NEK10: variants seen among roughly 807,000 people sequenced by gnomAD.
NEK10 encodes serine/threonine-protein kinase Nek10.
NEK10 carries 122 observed loss-of-function variants against 159.8 expected under a neutral mutation model. That is an observed-to-expected ratio of 0.76 (90% CI 0.66 to 0.89). NEK10 has a LOEUF of 0.89. NEK10 is among the 40% of genes least tolerant of loss of function. NEK10 has a pLI of 0.00. For missense variants in NEK10, 1,342 were observed against 1,323.1 expected (o/e 1.01, Z -0.22); for synonymous variants, 466 against 457.1 (o/e 1.02, Z -0.25).
intron 23 of NEK10, among the ~76,000 whole-genome samples, chr3:27,203,490 A>G (rs1950221310): frequency 6.6e-6 from 1 of 152,154 alleles, no homozygotes; most frequent in African/African-American, 2.4e-5. Flanking sequence ...TGTGAAGGCG[A>G]GTGTAGTTCC....
intron 23 of NEK10, chr3:27,214,933 A>C: frequency 1.0e-6 from 1 of 962,134 alleles, no homozygotes; most frequent in South Asian, 1.3e-5. Flanking sequence ...AGGTGAGAAG[A>C]CAATTCCTAA....
At chr3:27,221,369 G>A (rs1295012645) in intron 23 of NEK10, among the ~76,000 whole-genome samples, 1 of 152,140 alleles carries the variant, frequency 6.6e-6, no homozygotes. Flanking sequence ...AACTTCATGA[G>A]TTACAGAAAA....
chr3:27,202,383 CA>C, intron 24 of NEK10, 44 bp downstream of exon 24: 1 of 1,540,090 alleles, frequency 6.5e-7, no homozygotes, highest in Non-Finnish European at 8.8e-7. Flanking sequence ...AAAAGAATTG[CA>C]TTTTTAGCTA....
chr3:27,218,893 G>A (rs1575312331), intron 23 of NEK10, among the ~76,000 whole-genome samples: 1 of 152,178 alleles, frequency 6.6e-6, no homozygotes, highest in Non-Finnish European at 1.5e-5. Context: ...GTAACATTGT[G>A]CTTCACGGTA....
chr3:27,171,697 A>C (rs1343204067), intron 29 of NEK10, 122 bp downstream of exon 29: 7 of 915,150 alleles, frequency 7.6e-6, no homozygotes. Context: ...TGGGCAAGTA[A>C]GCTCTAACTC....
chr3:27,262,227 G>T (rs1406170643), intron 22 of NEK10, among the ~76,000 whole-genome samples: 3 of 152,136 alleles, frequency 2.0e-5, no homozygotes, highest in Non-Finnish European at 4.4e-5. Context: ...GTTTCCCTTT[G>T]TGGGTAACCT....
intron 23 of NEK10, among the ~76,000 whole-genome samples, chr3:27,214,014 T>C (rs1187756587): frequency 4.6e-5 from 7 of 152,192 alleles, no homozygotes; most frequent in Non-Finnish European, 1.0e-4. Flanking sequence ...CCTATGCAAC[T>C]TCATCTACAT....
chr3:27,245,439 C>A (rs1231712764), intron 23 of NEK10, among the ~76,000 whole-genome samples: 9 of 152,180 alleles, frequency 5.9e-5, no homozygotes, highest in Admixed American at 2.0e-4. Flanking sequence ...TCGGGCCTTG[C>A]AGCTCAGCTT....
At chr3:27,246,396 A>G (rs1363759286) in intron 23 of NEK10, among the ~76,000 whole-genome samples, 1 of 152,044 alleles carries the variant, frequency 6.6e-6, no homozygotes, top group Non-Finnish European at 1.5e-5. Flanking sequence ...GTAAATTTAG[A>G]TTTTTTAAAT....
At chr3:27,264,444 G>A (rs1476968003) in intron 22 of NEK10, among the ~76,000 whole-genome samples, 1 of 152,122 alleles carries the variant, frequency 6.6e-6, no homozygotes, top group African/African-American at 2.4e-5. Context: ...AATACATAAT[G>A]ATCAAGTGGG....
chr3:27,174,626 T>A, intron 27 of NEK10, 24 bp downstream of exon 27: 1 of 1,603,036 alleles, frequency 6.2e-7, no homozygotes. Flanking sequence ...AGTACCTACG[T>A]TGACACACTG....
At chr3:27,297,578 C>T (rs2043448453) in intron 13 of NEK10, among the ~76,000 whole-genome samples, 1 of 152,140 alleles carries the variant, frequency 6.6e-6, no homozygotes, top group African/African-American at 2.4e-5. Flanking sequence ...AGCAGGTGCT[C>T]AACAAATATA....
intron 1 of NEK10, among the ~76,000 whole-genome samples, chr3:27,353,851 A>G (rs79815443): frequency 9.7e-4 from 147 of 152,268 alleles, no homozygotes; most frequent in African/African-American, 3.5e-3. Context: ...GAACTTTAAA[A>G]CATGTTTGTG....
At chr3:27,346,467 CT>C (rs1170058542) in intron 3 of NEK10, among the ~76,000 whole-genome samples, 1 of 152,140 alleles carries the variant, frequency 6.6e-6, no homozygotes, top group Non-Finnish European at 1.5e-5. Context: ...TATTTATGTA[CT>C]TTTAGTCTCC....
chr3:27,354,284 C>T (rs2048176321), intron 1 of NEK10, among the ~76,000 whole-genome samples: 1 of 152,160 alleles, frequency 6.6e-6, no homozygotes, highest in African/African-American at 2.4e-5. Context: ...TCGCTAAACA[C>T]CCTGTCTTAT....
At chr3:27,297,366 G>A in intron 13 of NEK10, 126 bp from the exon 14 acceptor site, 1 of 612,698 alleles carries the variant, frequency 1.6e-6, no homozygotes, top group South Asian at 2.5e-5. Flanking sequence ...AACTTCTCAA[G>A]AAACACTAAT....
At chr3:27,283,274 TA>T (rs1186306870) in intron 22 of NEK10, among the ~76,000 whole-genome samples, 13 of 152,160 alleles carry the variant, frequency 8.5e-5, no homozygotes, top group African/African-American at 3.1e-4. Flanking sequence ...TCCACATCAA[TA>T]ACATTGATGG....
intron 23 of NEK10, among the ~76,000 whole-genome samples, chr3:27,214,290 C>T (rs1951282351): frequency 6.6e-6 from 1 of 152,228 alleles, no homozygotes; most frequent in Admixed American, 6.5e-5. Context: ...ATCAGGACCT[C>T]CTGAGGCAGT....
intron 22 of NEK10, among the ~76,000 whole-genome samples, chr3:27,260,892 T>C (rs1413635689): frequency 6.6e-6 from 1 of 152,228 alleles, no homozygotes; most frequent in Non-Finnish European, 1.5e-5. Flanking sequence ...ATTGCCTCAA[T>C]TTCAGAGCCT....
Sources: allele counts gnomAD v4.1 joint callset (sites outside exome capture counted in the v4.1 genomes callset), GRCh38; gene constraint gnomAD v4.1.1; transcripts MANE v1.5; gene names NCBI Gene and HGNC (gene_info 2026-07-23, HGNC 2026-07-21).